Variants in RAB3IL1 observed in about 807,000 individuals in gnomAD.
The protein encoded by RAB3IL1 is guanine nucleotide exchange factor for Rab-3A.
Under a neutral mutation model 49.2 loss-of-function variants are expected in RAB3IL1, and 37 were observed. The ratio of observed to expected loss-of-function variants is 0.75; its 90% CI spans 0.58 to 0.99. The LOEUF is 0.99. Ranked by LOEUF, RAB3IL1 falls within the 50% of genes least tolerant of loss-of-function variation. The pLI is 0.00. For synonymous variants in RAB3IL1, 193 were observed against 213.9 expected (o/e 0.90, Z 0.85); for missense variants, 484 against 513.0 (o/e 0.94, Z 0.55).
At chr11:61,907,719 G>A in intron 2 of RAB3IL1, 59 bp from the exon 3 acceptor site, 2 of 1,493,332 alleles carry the variant, frequency 1.3e-6, no homozygotes, top group Non-Finnish European at 1.9e-6. Flanking sequence ...GGCACGGGAG[G>A]GACCAGGCCC....
chr11:61,899,779 C>T (rs954489076), intron 8 of RAB3IL1: 39 of 196,964 alleles, frequency 2.0e-4, no homozygotes, highest in Non-Finnish European at 3.7e-4. Context: ...TCTCACAGGC[C>T]GGCTTGCTCC....
intron 1 of RAB3IL1, among the ~76,000 whole-genome samples, chr11:61,914,826 G>T (rs1431362677): frequency 6.6e-6 from 1 of 152,028 alleles, no homozygotes; most frequent in African/African-American, 2.4e-5. Flanking sequence ...GCCCCGCTGG[G>T]GTCACCAACT....
Position 61,902,532 on chromosome 11 carries a change from G to C in RAB3IL1, c.909C>G (p.Ala303=). 6.3e-7 allele frequency: 1 copy of C among 1,598,344 alleles called. No homozygotes were observed. Among genetic ancestry groups the C allele is most frequent in the South Asian group, 1.1e-5 (1 of 87,560 alleles). The change falls in exon 8 of 10, where the codon GCC becomes GCG. Residue 303 remains alanine, a synonymous_variant. Coordinates refer to ENST00000394836, the MANE Select transcript of RAB3IL1 (RefSeq NM_013401.4). ...EVDCSSTNTC[A]LSGLTRTCRH... is the part of the protein sequence containing the mutation. ...GGCAGGTGCGGGTCAGCCCGCTCAGGGCACATGTGCTAGGGGAAAGCAAAA... is the reference window on the plus strand; with the variant it reads ...GGCAGGTGCGGGTCAGCCCGCTCAGCGCACATGTGCTAGGGGAAAGCAAAA...
the RAB3IL1 span, among the ~76,000 whole-genome samples, chr11:61,940,459 A>C: frequency 2.6e-5 from 4 of 151,868 alleles, no homozygotes; most frequent in Non-Finnish European, 4.4e-5. Flanking sequence ...AAAGAAAAAA[A>C]AAAGTAAATA....
the RAB3IL1 span, among the ~76,000 whole-genome samples, chr11:61,933,602 T>G: frequency 6.6e-6 from 1 of 152,144 alleles, no homozygotes; most frequent in Non-Finnish European, 1.5e-5. Flanking sequence ...AGTGGAGTGC[T>G]GCTGTAACCA....
chr11:61,900,879 T>C (rs1591215879), intron 8 of RAB3IL1, among the ~76,000 whole-genome samples: 1 of 152,042 alleles, frequency 6.6e-6, no homozygotes, highest in South Asian at 2.1e-4. Context: ...TGTTGAGCCA[T>C]GGTTGGGCCT....
chr11:61,938,599 A>G, the RAB3IL1 span, among the ~76,000 whole-genome samples: 1 of 152,248 alleles, frequency 6.6e-6, no homozygotes, highest in Non-Finnish European at 1.5e-5. Context: ...AAAAATGGAC[A>G]GAATTCAAAG....
the RAB3IL1 span, among the ~76,000 whole-genome samples, chr11:61,943,462 T>C: frequency 0.029 from 4,447 of 152,324 alleles, 213 homozygotes; most frequent in African/African-American, 0.099. Flanking sequence ...AAAATTTTAA[T>C]GTTTAAAATT....
chr11:61,914,245 CT>C (rs981350570), intron 1 of RAB3IL1, among the ~76,000 whole-genome samples: 11 of 152,344 alleles, frequency 7.2e-5, no homozygotes, highest in Admixed American at 4.6e-4. Context: ...CCCTACAGCC[CT>C]GCCTGCCGCA....
the RAB3IL1 span, among the ~76,000 whole-genome samples, chr11:61,926,702 C>T: frequency 4.0e-5 from 6 of 151,230 alleles, no homozygotes; most frequent in East Asian, 1.2e-3. Flanking sequence ...TAAAGGTGCA[C>T]GCCACCATGC....
chr11:61,913,119 G>A (rs1591235290), intron 1 of RAB3IL1, among the ~76,000 whole-genome samples: 1 of 152,060 alleles, frequency 6.6e-6, no homozygotes. Flanking sequence ...TGACGCTGTC[G>A]AGTGGCACTG....
chr11:61,931,696 A>G, the RAB3IL1 span, among the ~76,000 whole-genome samples: 1 of 152,208 alleles, frequency 6.6e-6, no homozygotes, highest in Non-Finnish European at 1.5e-5. Flanking sequence ...TAATAACCTC[A>G]GGATGAGAAA....
At chr11:61,921,016 G>GT (rs1433029423), upstream of RAB3IL1, among the ~76,000 whole-genome samples, 1 of 151,626 alleles carries the variant, frequency 6.6e-6, no homozygotes, top group Non-Finnish European at 1.5e-5. Flanking sequence ...TCCCAGTTTT[G>GT]TTTTTTGTTT....
chr11:61,936,639 G>A, the RAB3IL1 span, among the ~76,000 whole-genome samples: 12 of 152,246 alleles, frequency 7.9e-5, no homozygotes, highest in African/African-American at 2.6e-4. Context: ...ACCATTCCCC[G>A]CCTGAAGAGA....
At chr11:61,921,533 TG>T (rs1939906911), upstream of RAB3IL1, among the ~76,000 whole-genome samples, 3 of 152,310 alleles carry the variant, frequency 2.0e-5, no homozygotes, top group East Asian at 5.8e-4. Context: ...AGCCCTCCCC[TG>T]TGGGTTACTT....
chr11:61,918,318 C>G (rs174480), upstream of RAB3IL1, among the ~76,000 whole-genome samples: 7,001 of 152,282 alleles, frequency 0.046, 228 homozygotes, highest in Middle Eastern at 0.085. Flanking sequence ...AGAGCAGAAC[C>G]CGTCTTCTCT....
At chr11:61,900,117 T>A (rs1938828269) in intron 8 of RAB3IL1, among the ~76,000 whole-genome samples, 1 of 152,170 alleles carries the variant, frequency 6.6e-6, no homozygotes, top group Non-Finnish European at 1.5e-5. Context: ...ATGACTGACT[T>A]GTGTGGAGAT....
In RAB3IL1 at chr11:61,904,678, C is replaced by A. The variant is rs1231773654; in HGVS notation, c.787-20G>T. The A allele has an allele frequency of 6.2e-7, 1 of 1,603,136 alleles. No homozygotes were observed. On this transcript the variant is annotated intron_variant, in intron 6 of 9. Transcript: ENST00000394836. ...CGAGAGCTGTGGCAGACCAGGGAGG[C>A]AGGCAGGGTGGTAAGGGGCTGGGCC...
At chr11:61,942,939 G>A in the RAB3IL1 span, among the ~76,000 whole-genome samples, 1 of 152,300 alleles carries the variant, frequency 6.6e-6, no homozygotes, top group African/African-American at 2.4e-5. Flanking sequence ...ATGACTAAGT[G>A]ATCTACAGAC....
Sources: gnomAD v4.1 joint callset for allele counts (sites outside exome capture counted in the v4.1 genomes callset) on GRCh38, gnomAD v4.1.1 for gene constraint, MANE v1.5 for transcripts, NCBI Gene and HGNC (gene_info 2026-07-23, HGNC 2026-07-21) for gene names.